Variants in HDC observed in about 807,000 individuals in gnomAD.
HDC encodes the protein histidine decarboxylase.
HDC carries 27 observed loss-of-function variants against 64.4 expected under a neutral mutation model. The ratio of observed to expected loss-of-function variants is 0.42; its 90% confidence interval spans 0.31 to 0.58. The LOEUF (loss-of-function observed/expected upper bound fraction) is 0.58, where lower values mean the gene tolerates loss of function less well. Ranked by LOEUF, HDC falls within the 20% of genes least tolerant of loss-of-function variation. The pLI is 0.16. For missense variants in HDC, 711 were observed against 833.9 expected (o/e 0.85, Z 1.81); for synonymous variants, 305 against 314.2 (o/e 0.97, Z 0.31).
intron 10 of HDC, among the ~76,000 whole-genome samples, chr15:50,245,281 C>T (rs61699680): frequency 0.046 from 6,983 of 152,258 alleles, 481 homozygotes; most frequent in African/African-American, 0.15. Context: ...TACGGTAGCT[C>T]TTGTAGTACA....
At position 50,242,375 on chromosome 15, in the gene HDC, A is replaced by G. The variant is rs1371947750; in HGVS notation, c.1874T>C (p.Leu625Pro). The change falls in exon 12 of 12, where the codon CTG (leucine) becomes CCG (proline). Residue 625 changes from leucine to proline, a missense_variant. This residue lies in a region of HDC where 483 missense variants were observed against 540.9 expected (regional missense o/e 0.89). Coordinates refer to ENST00000267845, the MANE Select transcript of HDC (RefSeq NM_002112.4). ...GAGTTTTTTGAAGGCACTTTTCTTC[A>G]GCATCATCATGTCTTCTGGAAACCT... ...FSRFPEDMMM[L>P]KKSAFKKLIK... is the part of the protein sequence containing the mutation. The G allele has an allele frequency of 1.2e-6, 2 of 1,614,194 alleles. No homozygotes were observed. The highest frequency in any genetic ancestry group is 1.3e-5 in the African/African-American group (1 of 75,046).
Position 50,242,828 on chromosome 15 carries a change from A to G in HDC, c.1421T>C (p.Ile474Thr). 6.2e-7 allele frequency: 1 copy of G among 1,613,940 alleles called. No homozygotes were observed. The highest frequency in any genetic ancestry group is 8.5e-7 in the Non-Finnish European group (1 of 1,179,860). ...TTGGGAAGTACAGTGCTGACTCAGG[A>G]TGAGAGTGGCAGCATCTCGAATGAG... Reference protein sequence around the residue: ...WNLIRDAATLILSQHCTSQPS... With the variant: ...WNLIRDAATLTLSQHCTSQPS... The change falls in exon 12 of 12, where the codon ATC becomes ACC. Residue 474 changes from isoleucine (I) to threonine (T), a missense_variant. Around this residue, in one of 3 missense-constraint regions of HDC, gnomAD observed 483 missense variants for 540.9 expected, o/e 0.89. Transcript: ENST00000267845.
chr15:50,242,667 G>A lies in HDC; in HGVS notation c.1582C>T (p.Arg528Cys), dbSNP rs375190332. The A allele has an allele frequency of 3.8e-5, 61 of 1,614,146 alleles. No individual in the cohort carries two copies. Among genetic ancestry groups the A allele is most frequent in the Middle Eastern group, 1.6e-4 (1 of 6,062 alleles). Reference sequence around the variant, plus strand: ...CTTTTCATGGGACCGGCTCCCACACGCTGAGGCTGCTTGATGATCTTCCTG... The same window carrying A: ...CTTTTCATGGGACCGGCTCCCACACACTGAGGCTGCTTGATGATCTTCCTG... ...QARKIIKQPQ[R>C]VGAGPMKREN... Residue 528 changes from arginine (R) to cysteine (C), a missense_variant, in exon 12 of 12, where the codon CGT becomes TGT. By Grantham distance (180) the Arg-to-Cys change is radical. Transcript: ENST00000267845.
rs191370376 is a variant in HDC at position 50,252,893 on chromosome 15, G to A, written c.788-119C>T. The A allele has an allele frequency of 2.3e-4, 226 of 993,656 alleles. 3 individuals carry two copies. The East Asian group carries it at 4.9e-3, about 22-fold the overall frequency. The allele number at this position is 993,656 out of a possible 1,614,324, so 61.6% of individuals were successfully genotyped here. On this transcript the variant is annotated intron_variant, in intron 7 of 11. Transcript: ENST00000267845. ...GATGTGCTTTGGCTAAATGAGAAAC[G>A]GAGGGGTGTGGAGATGGGAGCAGGT...
At chr15:50,254,733 G>GTTTT (rs200012989) in intron 4 of HDC, 69 bp from the exon 5 acceptor site, 1 of 1,075,092 alleles carries the variant, frequency 9.3e-7, no homozygotes, top group African/African-American at 2.2e-5. Context: ...AGGCTTTCTA[G>GTTTT]TTTTTTCTCT....
rs1055399969 is a variant in HDC, at chr15:50,244,284, T to C, written c.1141-1040A>G. Among the ~76,000 whole-genome samples, 3 of 134,988 alleles carry C rather than the reference T, an allele frequency of 2.2e-5. No homozygotes were observed. The South Asian group carries it at 7.1e-4, about 32-fold the overall frequency. 88.6% of individuals were successfully genotyped at this position (134,988 alleles called of 152,430 possible). ...AGAGGGCAAGGGAGTTAGCTGAACC[T>C]CTTTTTTTTTTTTTTTTTTTTTTTT... is the stretch of plus-strand genomic sequence containing the variant. On this transcript the variant is annotated intron_variant, in intron 10 of 11. Coordinates refer to ENST00000267845, the MANE Select transcript of HDC (RefSeq NM_002112.4).
rs2045757527 is a variant in HDC, at chr15:50,265,637, T to C, written c.-14A>G. The C allele has an allele frequency of 1.2e-6, 2 of 1,613,530 alleles. No homozygotes were observed. Among genetic ancestry groups the C allele is most frequent in the Non-Finnish European group, 1.7e-6 (2 of 1,179,458 alleles). On this transcript the variant is annotated 5_prime_UTR_variant, in exon 1 of 12. Transcript: ENST00000267845. ...AGGCTCCATCATCTCCCTTGGGCTCTGGCTCCTTCTCACAGATGGACACGC... is the reference window on the plus strand; with the variant it reads ...AGGCTCCATCATCTCCCTTGGGCTCCGGCTCCTTCTCACAGATGGACACGC...
intron 2 of HDC, among the ~76,000 whole-genome samples, 180 bp downstream of exon 2, chr15:50,263,055 T>C (rs1311537652): frequency 6.6e-6 from 1 of 152,120 alleles, no homozygotes; most frequent in African/African-American, 2.4e-5. Flanking sequence ...AAAAGAAACC[T>C]AATACCAGTC....
At position 50,261,805 on chromosome 15, in the gene HDC, G is replaced by A. The variant is rs578175122; in HGVS notation, c.204+1430C>T. Among the ~76,000 whole-genome samples, 328 of 151,828 alleles carry A rather than the reference G, an allele frequency of 2.2e-3. 1 individual carries two copies. Among genetic ancestry groups the A allele is most frequent in the South Asian group, 0.016 (76 of 4,814 alleles). ...GCTCACCGCAACCTCCGCCTCCCGG[G>A]TTCAAGCGATTCTCCTACCTCAGCC... is the stretch of plus-strand genomic sequence containing the variant. On this transcript the variant is annotated intron_variant, in intron 2 of 11. Transcript: ENST00000267845.
At position 50,248,439 on chromosome 15, in the gene HDC, C is replaced by G; in HGVS notation, c.1042-96G>C. The G allele has an allele frequency of 1.2e-6, 1 of 807,384 alleles. No homozygotes were observed. Among genetic ancestry groups the G allele is most frequent in the Non-Finnish European group, 2.1e-6 (1 of 472,474 alleles). 50.0% of individuals were successfully genotyped at this position (807,384 alleles called of 1,614,324 possible). On this transcript the variant is annotated intron_variant, in intron 9 of 11. Transcript: ENST00000267845. This position sits in a 1 kb window ranked among gnomAD's most constrained non-coding sequence, Gnocchi z 4.3. ...ATTATCTGTTGCCTGCCCAGCCCTC[C>G]AGGGATGGACGATGTCACCATGACT...
At chr15:50,251,476 T>A (rs1255599129) in intron 9 of HDC, among the ~76,000 whole-genome samples, 1 of 152,242 alleles carries the variant, frequency 6.6e-6, no homozygotes, top group Non-Finnish European at 1.5e-5. Context: ...AAAGGGCCAC[T>A]GCTGGAATGG....
intron 7 of HDC, chr15:50,253,363 G>T (rs555193435): frequency 1.7e-6 from 1 of 577,760 alleles, no homozygotes; most frequent in East Asian, 3.0e-5. Context: ...TCCTACTGTC[G>T]CCTCCTAGGA....
intron 7 of HDC, chr15:50,253,229 T>G: frequency 2.6e-6 from 1 of 377,526 alleles, no homozygotes; most frequent in East Asian, 6.1e-5. Context: ...CCCTACCCTT[T>G]TCCTTTTCTG....
chr15:50,252,580 C>CTGCG, intron 8 of HDC, 32 bp downstream of exon 8: 1 of 1,614,188 alleles, frequency 6.2e-7, no homozygotes, highest in East Asian at 2.2e-5. Flanking sequence ...CAAGGCGTTC[C>CTGCG]TGCGTGCTCG....
chr15:50,254,150 G>A lies in HDC; in HGVS notation c.700C>T (p.Arg234Trp), dbSNP rs777913889. The A allele has an allele frequency of 1.2e-5, 19 of 1,614,006 alleles. No homozygotes were observed. Among genetic ancestry groups the A allele is most frequent in the South Asian group, 3.3e-5 (3 of 91,088 alleles). Residue 234 changes from arginine to tryptophan, a missense_variant, in exon 6 of 12, where the codon CGG becomes TGG. By Grantham distance (101) the Arg-to-Trp change is moderately radical. Coordinates refer to ENST00000267845, the MANE Select transcript of HDC (RefSeq NM_002112.4). ...CTTACAAAGACGGGCACCAAGCCCC[G>A]CTGCTTGTCTTCCTCGATGGCCTTC... ...LQKAIEEDKQRGLVPVFVCAT... is the reference protein window; with the variant it reads ...LQKAIEEDKQWGLVPVFVCAT...
At chr15:50,264,028 C>G (rs1207008443) in intron 1 of HDC, among the ~76,000 whole-genome samples, 1 of 152,118 alleles carries the variant, frequency 6.6e-6, no homozygotes, top group African/African-American at 2.4e-5. Context: ...TTCTTTCCTT[C>G]TCAGAAACAG....
In HDC at chr15:50,243,188, T is replaced by G. The variant is rs374512383; in HGVS notation, c.1197A>C (p.Glu399Asp). Residue 399 changes from glutamate (E) to aspartate (D), a missense_variant, in exon 11 of 12, where the codon GAA (glutamate) becomes GAC (aspartate). This residue lies in a region of HDC where 483 missense variants were observed against 540.9 expected (regional missense o/e 0.89). Transcript: ENST00000267845. Reference protein sequence around the residue: ...ESLVRNDPSFEIPAKRHLGLV... With the variant: ...ESLVRNDPSFDIPAKRHLGLV... ...GGCCAAGGTGCCTCTTGGCAGGAATTTCAAAGGAAGGGTCGTTTCTGACCA... is the reference window on the plus strand; with the variant it reads ...GGCCAAGGTGCCTCTTGGCAGGAATGTCAAAGGAAGGGTCGTTTCTGACCA... The G allele has an allele frequency of 6.2e-7, 1 of 1,614,074 alleles. No homozygotes were observed. The highest frequency in any genetic ancestry group is 8.5e-7 in the Non-Finnish European group (1 of 1,179,954).
At chr15:50,246,504 A>G (rs570506592) in intron 10 of HDC, among the ~76,000 whole-genome samples, 4 of 152,318 alleles carry the variant, frequency 2.6e-5, no homozygotes, top group African/African-American at 7.2e-5. Context: ...AGGAGAGGGT[A>G]GTTCAGGTGA....
Position 50,265,575 on chromosome 15 carries a change from G to A in HDC, c.31+18C>T. ...GGAGTAGCAGCAGGGAAGAGGGCCA[G>A]GGATGCCCGTTGCTCACCTCTCTCT... On this transcript the variant is annotated intron_variant, in intron 1 of 11. Transcript: ENST00000267845. 1 of 1,612,848 alleles carries A rather than the reference G, an allele frequency of 6.2e-7. No individual in the cohort carries two copies. The highest frequency in any genetic ancestry group is 2.2e-5 in the East Asian group (1 of 44,870).
Sources: allele counts gnomAD v4.1 joint callset (sites outside exome capture counted in the v4.1 genomes callset), GRCh38; gene constraint gnomAD v4.1.1; regional missense constraint gnomAD v4.1.1; non-coding constraint Gnocchi (gnomAD v3.1); transcripts MANE v1.5; gene names NCBI Gene and HGNC (gene_info 2026-07-23, HGNC 2026-07-21).